The following CDK13 variants were observed in gnomAD, a reference collection of about 807,000 sequenced individuals.
CDK13 encodes cyclin dependent kinase 13.
CDK13 carries 40 observed loss-of-function variants against 137.6 expected under a neutral mutation model. That is an observed-to-expected ratio of 0.29 (90% CI 0.23 to 0.38). The LOEUF is 0.38. CDK13 is among the 10% of genes least tolerant of loss of function. CDK13 has a pLI of 1.00. For synonymous variants in CDK13, 869 were observed against 760.1 expected, an observed-to-expected ratio of 1.14 and a Z score of -2.36; for missense variants, 1,704 against 1,951.8, an observed-to-expected ratio of 0.87 and a Z score of 2.39.
rs747311436 is a variant in CDK13, at chr7:39,999,350, A to G, written c.2043-11A>G. The G allele has an allele frequency of 5.9e-5, 95 of 1,600,854 alleles. No individual in the cohort carries two copies. The highest frequency in any genetic ancestry group is 3.4e-4 in the Middle Eastern group (2 of 5,970). On this transcript the variant is annotated splice_polypyrimidine_tract_variant and intron_variant, in intron 3 of 13. Transcript: ENST00000181839. ...GATTGTATATAAAAACTTTAGAACTATATTTGATAGAATATGTGGGCCTCG... is the reference window on the plus strand; with the variant it reads ...GATTGTATATAAAAACTTTAGAACTGTATTTGATAGAATATGTGGGCCTCG...
In CDK13 at chr7:39,950,799, C is replaced by T; in HGVS notation, c.158C>T (p.Pro53Leu). Residue 53 changes from proline (P) to leucine (L), a missense_variant, in exon 1 of 14, where the codon CCG becomes CTG. Physicochemically the swap from Pro to Leu is moderately conservative, Grantham distance 98. Around this residue, in one of 5 missense-constraint regions of CDK13, gnomAD observed 1,051 missense variants for 931.0 expected, o/e 1.13. Transcript: ENST00000181839. Reference sequence around the variant, plus strand: ...CAGCCGCAGCTCCTGCAACCGCCGCCGCCCCCGCCGCCTCTGCTCTTCCTG... The same window carrying T: ...CAGCCGCAGCTCCTGCAACCGCCGCTGCCCCCGCCGCCTCTGCTCTTCCTG... ...LLQPQLLQPP[P>L]PPPPLLFLAA... 6.8e-7 allele frequency: 1 copy of T among 1,460,704 alleles called. No homozygotes were observed. The highest frequency in any genetic ancestry group is 9.0e-7 in the Non-Finnish European group (1 of 1,113,616). 90.5% of individuals were successfully genotyped at this position (1,460,704 alleles called of 1,614,324 possible).
At chr7:40,054,958 A>G (rs112745674) in intron 7 of CDK13, among the ~76,000 whole-genome samples, 14 of 152,198 alleles carry the variant, frequency 9.2e-5, no homozygotes, top group African/African-American at 3.1e-4. Context: ...AGATGTGGAG[A>G]TTACTTGAGC....
chr7:39,982,569 T>C (rs1253091553), intron 1 of CDK13, among the ~76,000 whole-genome samples: 1 of 152,176 alleles, frequency 6.6e-6, no homozygotes, highest in Non-Finnish European at 1.5e-5. Context: ...TTTCTAGTTC[T>C]AGATCCCTGA....
intron 9 of CDK13, chr7:40,071,157 TA>T (rs1463876790): frequency 6.6e-6 from 1 of 152,208 alleles, no homozygotes; most frequent in African/African-American, 2.4e-5. Flanking sequence ...ACTGATGGCA[TA>T]AAATATTCTG....
intron 5 of CDK13, among the ~76,000 whole-genome samples, chr7:40,009,945 A>C (rs1419855967): frequency 1.3e-5 from 2 of 152,256 alleles, no homozygotes; most frequent in South Asian, 4.1e-4. Flanking sequence ...GTGTGTGTGT[A>C]TATTTATGCA....
At position 40,094,707 on chromosome 7, in the gene CDK13, CA is replaced by C. The variant is rs1246390959; in HGVS notation, c.4268del (p.Lys1423ArgfsTer120). The C allele has an allele frequency of 6.2e-7, 1 of 1,614,054 alleles. No individual in the cohort carries two copies. Among genetic ancestry groups the C allele is most frequent in the Non-Finnish European group, 8.5e-7 (1 of 1,180,034 alleles). On this transcript the variant is annotated frameshift_variant, in exon 14 of 14. Transcript: ENST00000181839. LOFTEE classifies it high-confidence loss of function. ...NAGPMLFSGD[K>X]DHRFEYSHGP... ...CTGGTCCCATGTTGTTTAGTGGAGA[CA>C]AGGACCATAGATTTGAATATAGCCA...
intron 1 of CDK13, among the ~76,000 whole-genome samples, chr7:39,973,421 A>G (rs866573349): frequency 3.9e-5 from 6 of 152,106 alleles, no homozygotes; most frequent in African/African-American, 1.4e-4. Context: ...TGGGCATGAG[A>G]CACCATGCCT....
At chr7:39,976,287 C>CGT (rs1784103017) in intron 1 of CDK13, among the ~76,000 whole-genome samples, 3 of 25,586 alleles carry the variant, frequency 1.2e-4, no homozygotes, top group East Asian at 1.5e-3. Flanking sequence ...AGCGAGATTC[C>CGT]GTCTCTCTCT....
At chr7:40,023,080 AACTTAT>A (rs760411264) in intron 5 of CDK13, among the ~76,000 whole-genome samples, 71 of 151,248 alleles carry the variant, frequency 4.7e-4, no homozygotes, top group African/African-American at 1.6e-3. Flanking sequence ...GTTCTAGTAC[AACTTAT>A]ACTTAACTTT....
chr7:40,031,814 T>G (rs1413885434), intron 5 of CDK13, among the ~76,000 whole-genome samples: 1 of 127,914 alleles, frequency 7.8e-6, no homozygotes, highest in Non-Finnish European at 1.6e-5. Flanking sequence ...CTCGGCTAAT[T>G]TATTATTATT....
intron 5 of CDK13, among the ~76,000 whole-genome samples, chr7:40,045,122 C>G (rs1424410685): frequency 6.6e-6 from 1 of 151,840 alleles, no homozygotes; most frequent in Non-Finnish European, 1.5e-5. Context: ...TTTTTGTCTT[C>G]GTGTTAGTTT....
chr7:40,031,528 A>C (rs960815189), intron 5 of CDK13, among the ~76,000 whole-genome samples: 1 of 152,178 alleles, frequency 6.6e-6, no homozygotes, highest in South Asian at 2.1e-4. Context: ...TCTCGAAAAA[A>C]AGAAAAGAAA....
At chr7:40,004,097 T>C (rs914344686) in intron 5 of CDK13, among the ~76,000 whole-genome samples, 2 of 152,182 alleles carry the variant, frequency 1.3e-5, no homozygotes. Context: ...AATGACTAAT[T>C]GTTGAATGAA....
At chr7:40,054,034 ACT>A in intron 7 of CDK13, among the ~76,000 whole-genome samples, 1 of 152,142 alleles carries the variant, frequency 6.6e-6, no homozygotes, top group African/African-American at 2.4e-5. Flanking sequence ...CTCTGGTAAG[ACT>A]CTGAATTCAG....
At chr7:39,977,753 A>G (rs1030757765) in intron 1 of CDK13, among the ~76,000 whole-genome samples, 1 of 151,956 alleles carries the variant, frequency 6.6e-6, no homozygotes, top group Non-Finnish European at 1.5e-5. Context: ...AAGGGTGGAG[A>G]CTCGAGGTGG....
chr7:39,970,053 C>CT (rs1424514812), intron 1 of CDK13, among the ~76,000 whole-genome samples: 1 of 148,204 alleles, frequency 6.7e-6, no homozygotes, highest in Non-Finnish European at 1.5e-5. Flanking sequence ...GTGTCTCACT[C>CT]TGTCGCCCAG....
At chr7:40,068,325 A>G (rs1454325508) in intron 9 of CDK13, among the ~76,000 whole-genome samples, 1 of 150,656 alleles carries the variant, frequency 6.6e-6, no homozygotes, top group Non-Finnish European at 1.5e-5. Flanking sequence ...TTTTTTTTTT[A>G]GGAATATGTT....
Position 39,996,134 on chromosome 7 carries a change from T to C in CDK13, c.1872-1360T>C, listed in dbSNP as rs529367459. Among the ~76,000 whole-genome samples, 24 of 152,324 alleles carry C rather than the reference T, an allele frequency of 1.6e-4. 1 individual carries two copies. The highest frequency in any genetic ancestry group is 5.8e-4 in the African/African-American group (24 of 41,578). ...TAATTAAGTCGTTTTTATCAGATGG[T>C]ATTATTAAGTTGTTTTTATCAAGTG... On this transcript the variant is annotated intron_variant, in intron 2 of 13. Coordinates refer to ENST00000181839, the MANE Select transcript of CDK13 (RefSeq NM_003718.5).
chr7:40,057,716 T>C (rs1210316375), intron 7 of CDK13, among the ~76,000 whole-genome samples: 1 of 152,216 alleles, frequency 6.6e-6, no homozygotes, highest in Non-Finnish European at 1.5e-5. Context: ...CTTCTAAATT[T>C]GCTTGTGTAA....
Sources: allele counts gnomAD v4.1 joint callset (sites outside exome capture counted in the v4.1 genomes callset), GRCh38; gene constraint gnomAD v4.1.1; regional missense constraint gnomAD v4.1.1; transcripts MANE v1.5; gene names NCBI Gene and HGNC (gene_info 2026-07-23, HGNC 2026-07-21).